The following AP3B2 variants were observed in gnomAD, a reference collection of about 807,000 sequenced individuals.
AP3B2 encodes the protein adaptor related protein complex 3 subunit beta 2, also known as AP-3 complex subunit beta-2.
A neutral mutation model predicts 126.9 loss-of-function variants in AP3B2; 50 were observed. That is an observed-to-expected ratio of 0.39 (90% confidence interval 0.31 to 0.50). AP3B2 has a LOEUF of 0.50. Among genes scored for constraint, AP3B2 ranks in the 20% least tolerant of loss-of-function variants. The probability of loss-of-function intolerance (pLI) is 0.79; values close to 1 mark genes in which losing one functional copy is unlikely to be tolerated. For synonymous variants in AP3B2, 541 were observed against 565.0 expected (o/e 0.96, Z 0.60); for missense variants, 1,177 against 1,426.4 (o/e 0.83, Z 2.82).
At chr15:82,667,052 G>C (rs533209688) in intron 14 of AP3B2, 119 bp from the exon 15 acceptor site, 7 of 1,042,324 alleles carry the variant, frequency 6.7e-6, no homozygotes, top group Non-Finnish European at 5.5e-6. Flanking sequence ...GCTTAGGACC[G>C]GCGCTTCCAC....
intron 1 of AP3B2, chr15:82,699,689 C>T: frequency 5.0e-6 from 2 of 399,634 alleles, no homozygotes; most frequent in Non-Finnish European, 8.8e-6. Context: ...TCCAGAGATG[C>T]TTCTGGGGTC....
rs2047990688 is a variant in AP3B2 at position 82,663,360 on chromosome 15, C to T, written c.2498-127G>A. On this transcript the variant is annotated intron_variant, in intron 21 of 26. Coordinates refer to ENST00000535359, the MANE Select transcript of AP3B2 (RefSeq NM_001278512.2). ...CGGGGCACATGGCTGCCTGGAGGCT[C>T]TCGCAAAATACCCATTCCTAGACCT... 3.0e-6 allele frequency: 3 copies of T among 991,152 alleles called. No homozygotes were observed. In the South Asian group the frequency reaches 4.1e-5, roughly 14 times the overall value. 61.4% of individuals were successfully genotyped at this position (991,152 alleles called of 1,614,324 possible).
At chr15:82,692,701 G>A (rs1275290141) in intron 1 of AP3B2, 1 of 153,222 alleles carries the variant, frequency 6.5e-6, no homozygotes, top group African/African-American at 2.4e-5. Flanking sequence ...GGGACTGGAA[G>A]GGTCCCAGAG....
At position 82,692,596 on chromosome 15, in the gene AP3B2, C is replaced by T. The variant is rs549954498; in HGVS notation, c.114-3143G>A. 3.5e-4 allele frequency: 56 copies of T among 161,144 alleles called. 1 individual carries two copies. Among genetic ancestry groups the T allele is most frequent in the Middle Eastern group, 5.8e-3 (2 of 342 alleles). The allele number at this position is 161,144 out of a possible 1,614,324, so 10.0% of individuals were successfully genotyped here. A position where few individuals can be genotyped will look rare whatever the true frequency, so the allele number is the denominator to read the frequency against. ...TAGTTGGATGGATAAGAAGGACCAG[C>T]GGAAAAGAGGTAGATGCCAAAACAA... is the stretch of plus-strand genomic sequence containing the variant. On this transcript the variant is annotated intron_variant, in intron 1 of 26. Coordinates refer to ENST00000535359, the MANE Select transcript of AP3B2 (RefSeq NM_001278512.2).
intron 11 of AP3B2, 127 bp from the exon 12 acceptor site, chr15:82,677,930 A>C (rs761929265): frequency 8.2e-6 from 11 of 1,336,612 alleles, no homozygotes; most frequent in Admixed American, 2.4e-5. Flanking sequence ...GGGGGTGACA[A>C]CTCCACCCCC....
chr15:82,701,693 G>A (rs901414389), intron 1 of AP3B2, among the ~76,000 whole-genome samples: 2 of 152,322 alleles, frequency 1.3e-5, no homozygotes, highest in African/African-American at 2.4e-5. Flanking sequence ...AATAAGGTAC[G>A]ATGTCAATGA....
In AP3B2 at chr15:82,709,636, T is replaced by G. The variant is rs778409869; in HGVS notation, c.71A>C (p.His24Pro). 1 of 1,520,924 alleles carries G rather than the reference T, an allele frequency of 6.6e-7. No homozygotes were observed. The allele number at this position is 1,520,924 out of a possible 1,614,324, so 94.2% of individuals were successfully genotyped here. Residue 24 changes from histidine (H) to proline (P), a missense_variant, in exon 1 of 27, where the codon CAC becomes CCC. His to Pro is a moderately conservative substitution (Grantham distance 77). Transcript: ENST00000535359. ...GAAGATGCCGCCGCTCGCGGGGTCG[T>G]GGCCGTACTCGGGCTCCCCGGGGCC... is the stretch of plus-strand genomic sequence containing the variant. The part of the protein sequence containing the change: ...SAGPGEPEYG[H>P]DPASGGIFSS...
intron 1 of AP3B2, chr15:82,708,789 C>T (rs1038385193): frequency 6.5e-6 from 1 of 152,754 alleles, no homozygotes; most frequent in Non-Finnish European, 1.5e-5. Context: ...TCCTGTCTTC[C>T]TTCTCTCCGG....
At chr15:82,699,846 G>C in intron 1 of AP3B2, 1 of 399,688 alleles carries the variant, frequency 2.5e-6, no homozygotes, top group Non-Finnish European at 4.4e-6. Flanking sequence ...GCCTCACCAC[G>C]GCCCCCGGGA....
In AP3B2 at chr15:82,681,551, G is replaced by A. The variant is rs2151441691; in HGVS notation, c.390C>T (p.Ala130=). 6.2e-7 allele frequency: 1 copy of A among 1,613,810 alleles called. No individual in the cohort carries two copies. Among genetic ancestry groups the A allele is most frequent in the Non-Finnish European group, 8.5e-7 (1 of 1,179,850 alleles). ...CACGGATGCTAGAGAGGACACGGAG[G>A]GCACTGGCACGAATCAGCTGGTTGG... ...KDPNQLIRAS[A]LRVLSSIRVP... The change falls in exon 5 of 27, where the codon GCC becomes GCT. Residue 130 remains alanine (A), a synonymous_variant. Transcript: ENST00000535359. This position sits in a 1 kb window ranked among gnomAD's most constrained non-coding sequence, Gnocchi z 4.0.
intron 13 of AP3B2, among the ~76,000 whole-genome samples, chr15:82,676,888 A>C (rs2151438276): frequency 6.6e-6 from 1 of 152,314 alleles, no homozygotes; most frequent in African/African-American, 2.4e-5. Context: ...CATGATGTAA[A>C]AGATTGATTT....
intron 1 of AP3B2, among the ~76,000 whole-genome samples, chr15:82,700,271 C>T (rs1037572422): frequency 1.3e-4 from 19 of 151,894 alleles, no homozygotes; most frequent in African/African-American, 4.6e-4. Context: ...TCAACCTTCT[C>T]TTATCTCTAC....
At position 82,689,622 on chromosome 15, in the gene AP3B2, CAT is replaced by C. The variant is rs2048490307; in HGVS notation, c.114-171_114-170del. 6.5e-6 allele frequency: 4 copies of C among 614,018 alleles called. 1 individual carries two copies. Among genetic ancestry groups the C allele is most frequent in the South Asian group, 5.9e-5 (3 of 51,008 alleles). The allele number at this position is 614,018 out of a possible 1,614,324, so 38.0% of individuals were successfully genotyped here. A position where few individuals can be genotyped will look rare whatever the true frequency, so the allele number is the denominator to read the frequency against. Reference sequence around the variant, plus strand: ...CAAGTAAAGTACAGATCAGGGGAAACATGTGGCCAGCTAATATTGTGGGTTGA... The same window carrying C: ...CAAGTAAAGTACAGATCAGGGGAAACGTGGCCAGCTAATATTGTGGGTTGA... On this transcript the variant is annotated intron_variant, in intron 1 of 26. Transcript: ENST00000535359.
At position 82,663,853 on chromosome 15, in the gene AP3B2, G is replaced by T. The variant is rs1383837112; in HGVS notation, c.2384C>A (p.Thr795Lys). 1 of 1,613,906 alleles carries T rather than the reference G, an allele frequency of 6.2e-7. No homozygotes were observed. Among genetic ancestry groups the T allele is most frequent in the Non-Finnish European group, 8.5e-7 (1 of 1,179,856 alleles). ...TAACTGCTCCTCCTCGGACTCCGAT[G>T]TCATCTCGGACTCTGATGAGCTACT... is the stretch of plus-strand genomic sequence containing the variant. ...SSSSSSESEMTSESEEEQLEP... is the reference protein window; with the variant it reads ...SSSSSSESEMKSESEEEQLEP... The change falls in exon 20 of 27, where the codon ACA (threonine) becomes AAA (lysine). Residue 795 changes from threonine (T) to lysine (K), a missense_variant. By Grantham distance (78) the Thr-to-Lys change is moderately conservative. Around this residue, in one of 5 missense-constraint regions of AP3B2, gnomAD observed 587 missense variants for 571.3 expected, o/e 1.03. Transcript: ENST00000535359.
At chr15:82,709,419 A>AGCGCTGCCC (rs2048844604) in intron 1 of AP3B2, among the ~76,000 whole-genome samples, 175 bp downstream of exon 1, 1 of 151,080 alleles carries the variant, frequency 6.6e-6, no homozygotes, top group Non-Finnish European at 1.5e-5. Context: ...CCGGGGTGCC[A>AGCGCTGCCC]GCGCTGCCCG....
intron 14 of AP3B2, among the ~76,000 whole-genome samples, chr15:82,671,100 C>G (rs142143422): frequency 0.024 from 3,634 of 151,932 alleles, 72 homozygotes; most frequent in Admixed American, 0.039. Context: ...CTGACCAACA[C>G]AGCGAAACCC....
chr15:82,709,765 C>A lies in AP3B2; in HGVS notation c.-59G>T, dbSNP rs1357498553. On this transcript the variant is annotated 5_prime_UTR_variant, in exon 1 of 27. Transcript: ENST00000535359. ...TTGCGGGGCCGGAGGCCGGCTGGAG[C>A]GGAGGAAGGGAAGGCGGGCCGGTCC... The A allele has an allele frequency of 1.5e-6, 2 of 1,361,672 alleles. No homozygotes were observed. The highest frequency in any genetic ancestry group is 1.9e-6 in the Non-Finnish European group (2 of 1,035,008). 84.3% of individuals were successfully genotyped at this position (1,361,672 alleles called of 1,614,324 possible).
At chr15:82,685,323 A>G (rs2048408587) in intron 4 of AP3B2, 1 of 152,234 alleles carries the variant, frequency 6.6e-6, no homozygotes, top group African/African-American at 2.4e-5. Context: ...CTCAATTTGT[A>G]AAAAGTGCAA....
chr15:82,660,036 G>C, intron 25 of AP3B2, 53 bp from the exon 26 acceptor site: 1 of 1,586,376 alleles, frequency 6.3e-7, no homozygotes, highest in Non-Finnish European at 8.6e-7. Context: ...ACAGAGGCCA[G>C]CACCTGGGTC....
Sources: gnomAD v4.1 joint callset for allele counts (sites outside exome capture counted in the v4.1 genomes callset) on GRCh38, gnomAD v4.1.1 for gene constraint, gnomAD v4.1.1 regional missense constraint, Gnocchi (gnomAD v3.1) non-coding constraint, MANE v1.5 for transcripts, NCBI Gene and HGNC (gene_info 2026-07-23, HGNC 2026-07-21) for gene names.